WBP2: variants seen among roughly 807,000 people sequenced by gnomAD.
WBP2 encodes the protein WW domain binding protein 2.
In WBP2, 23 loss-of-function variants were observed where a neutral mutation model predicts 33.0. That is an observed-to-expected ratio of 0.70 (90% CI 0.50 to 0.99). WBP2 has a LOEUF of 0.99. Among genes scored for constraint, WBP2 ranks in the 50% least tolerant of loss-of-function variants. The probability of loss-of-function intolerance (pLI) is 0.00; values close to 1 mark genes in which losing one functional copy is unlikely to be tolerated. For missense variants in WBP2, 353 were observed against 358.0 expected (o/e 0.99, Z 0.11); for synonymous variants, 153 against 133.5 (o/e 1.15, Z -1.01).
intron 6 of WBP2, 84 bp downstream of exon 6, chr17:75,847,403 C>A (rs1476549034): frequency 6.5e-7 from 1 of 1,544,680 alleles, no homozygotes; most frequent in South Asian, 1.2e-5. Flanking sequence ...TCTCAGCAGT[C>A]TCTGGCCATT....
intron 1 of WBP2, 53 bp downstream of exon 1, chr17:75,855,186 C>A: frequency 6.4e-7 from 1 of 1,563,072 alleles, no homozygotes. Flanking sequence ...CCACCGCCCA[C>A]TTCCTCGACA....
At position 75,846,676 on chromosome 17, in the gene WBP2, C is replaced by A; in HGVS notation, c.*58G>T. ...CTCCCCTCCCCAAGCCCCAGCACAG[C>A]CCCGATGGGAGGGGTAGGGTAGAGA... On this transcript the variant is annotated 3_prime_UTR_variant, in exon 8 of 8. Coordinates refer to ENST00000254806, the MANE Select transcript of WBP2 (RefSeq NM_012478.4). This position sits in a 1 kb window ranked among gnomAD's most constrained non-coding sequence, Gnocchi z 4.8. The A allele has an allele frequency of 6.7e-7, 1 of 1,501,642 alleles. No homozygotes were observed. The highest frequency in any genetic ancestry group is 2.5e-5 in the East Asian group (1 of 40,688). The allele number at this position is 1,501,642 out of a possible 1,614,324, so 93.0% of individuals were successfully genotyped here. A position where few individuals can be genotyped will look rare whatever the true frequency, so the allele number is the denominator to read the frequency against.
upstream of WBP2, among the ~76,000 whole-genome samples, chr17:75,855,822 T>C (rs2065055638): frequency 6.6e-6 from 1 of 152,164 alleles, no homozygotes; most frequent in Non-Finnish European, 1.5e-5. Context: ...CAGCAGACGT[T>C]TATGGGGCGC....
At chr17:75,853,377 A>C (rs1048143106) in intron 1 of WBP2, among the ~76,000 whole-genome samples, 11 of 152,190 alleles carry the variant, frequency 7.2e-5, no homozygotes, top group Non-Finnish European at 1.6e-4. Flanking sequence ...TGGACTTAAC[A>C]CTTCAATTGT....
chr17:75,853,894 A>C (rs972275555), intron 1 of WBP2, among the ~76,000 whole-genome samples: 3 of 151,828 alleles, frequency 2.0e-5, no homozygotes, highest in Non-Finnish European at 2.9e-5. Flanking sequence ...AAATACAAAA[A>C]ATTAGCTGGG....
upstream of WBP2, chr17:75,856,436 T>A (rs750572914): frequency 9.2e-5 from 14 of 152,212 alleles, no homozygotes; most frequent in Non-Finnish European, 1.8e-4. Flanking sequence ...GGAGGTCTCC[T>A]ATGTGAAGAA....
At chr17:75,854,797 T>C (rs1390995435) in intron 1 of WBP2, among the ~76,000 whole-genome samples, 1 of 152,196 alleles carries the variant, frequency 6.6e-6, no homozygotes, top group Non-Finnish European at 1.5e-5. Flanking sequence ...TGCCCTCCAC[T>C]TTCCCTACCT....
At chr17:75,853,078 CTT>C (rs1468744290) in intron 1 of WBP2, among the ~76,000 whole-genome samples, 1 of 152,138 alleles carries the variant, frequency 6.6e-6, no homozygotes, top group African/African-American at 2.4e-5. Context: ...GAGTTTCACT[CTT>C]GTTGCCCAGG....
At chr17:75,853,842 G>A (rs113621773) in intron 1 of WBP2, among the ~76,000 whole-genome samples, 12 of 152,060 alleles carry the variant, frequency 7.9e-5, no homozygotes, top group African/African-American at 2.4e-4. Flanking sequence ...TCAGGAGTTC[G>A]AGACCAGCCT....
At position 75,846,834 on chromosome 17, in the gene WBP2, T is replaced by A; in HGVS notation, c.733-47A>T. The A allele has an allele frequency of 6.2e-7, 1 of 1,607,846 alleles. No individual in the cohort carries two copies. Among genetic ancestry groups the A allele is most frequent in the East Asian group, 2.2e-5 (1 of 44,742 alleles). ...GACTTGCATTAGAAGGTTTAAAACA[T>A]GGTGCGGTCATCCCCCTGCGGCTCC... On this transcript the variant is annotated intron_variant, in intron 7 of 7. Coordinates refer to ENST00000254806, the MANE Select transcript of WBP2 (RefSeq NM_012478.4). The surrounding 1 kb of genome is among the most constrained non-coding windows in gnomAD (Gnocchi z 4.8).
chr17:75,854,334 G>A (rs1018007923), intron 1 of WBP2, among the ~76,000 whole-genome samples: 1 of 152,096 alleles, frequency 6.6e-6, no homozygotes, highest in East Asian at 1.9e-4. Flanking sequence ...ATTCAGGGTC[G>A]GCATAGTTCA....
At position 75,851,692 on chromosome 17, in the gene WBP2, A is replaced by G; in HGVS notation, c.60-16T>C. On this transcript the variant is annotated splice_polypyrimidine_tract_variant and intron_variant, in intron 1 of 7. Coordinates refer to ENST00000254806, the MANE Select transcript of WBP2 (RefSeq NM_012478.4). The stretch of plus-strand genomic sequence containing the variant: ...CATTAGGATGCTGTGATGAGAAAAG[A>G]GGAAAAGCCTCAATGAGACAGTATG... 6.3e-7 allele frequency: 1 copy of G among 1,599,190 alleles called. No homozygotes were observed. The highest frequency in any genetic ancestry group is 8.6e-7 in the Non-Finnish European group (1 of 1,166,994).
Position 75,846,811 on chromosome 17 carries a change from C to T in WBP2, c.733-24G>A, listed in dbSNP as rs2305914. 0.094 allele frequency: 149,822 copies of T among 1,586,868 alleles called. 12,187 individuals carry two copies. Among genetic ancestry groups the T allele is most frequent in the African/African-American group, 0.37 (27,628 of 74,166 alleles). On this transcript the variant is annotated intron_variant, in intron 7 of 7. Transcript: ENST00000254806. This position sits in a 1 kb window ranked among gnomAD's most constrained non-coding sequence, Gnocchi z 4.8. ...CTCTAAAGAAGGGAGAAAGGAGAGA[C>T]TTGCATTAGAAGGTTTAAAACATGG...
At chr17:75,848,769 CG>C in intron 3 of WBP2, 107 bp from the exon 4 acceptor site, 1 of 1,022,412 alleles carries the variant, frequency 9.8e-7, no homozygotes, top group Non-Finnish European at 1.5e-6. Context: ...GGGAGGCCTG[CG>C]GGGGCTGGGC....
upstream of WBP2, chr17:75,855,541 T>G (rs1225250543): frequency 1.1e-5 from 6 of 561,030 alleles, no homozygotes; most frequent in Non-Finnish European, 1.9e-5. Flanking sequence ...CCTCGGCCTG[T>G]CCCTATGCTG....
chr17:75,846,645 C>A lies in WBP2; in HGVS notation c.*89G>T. On this transcript the variant is annotated 3_prime_UTR_variant, in exon 8 of 8. Coordinates refer to ENST00000254806, the MANE Select transcript of WBP2 (RefSeq NM_012478.4). The surrounding 1 kb of genome is among the most constrained non-coding windows in gnomAD (Gnocchi z 4.8). ...GATCAGACCTGGAGGGAGAACAAGG[C>A]GCCCCCTCCCCTCCCCAAGCCCCAG... The A allele has an allele frequency of 7.2e-7, 1 of 1,398,500 alleles. No individual in the cohort carries two copies. Among genetic ancestry groups the A allele is most frequent in the Admixed American group, 2.1e-5 (1 of 47,244 alleles). 86.6% of individuals were successfully genotyped at this position (1,398,500 alleles called of 1,614,324 possible). A position where few individuals can be genotyped will look rare whatever the true frequency, so the allele number is the denominator to read the frequency against.
intron 1 of WBP2, chr17:75,852,881 T>C: frequency 1.2e-6 from 1 of 860,026 alleles, no homozygotes; most frequent in Non-Finnish European, 1.4e-6. Flanking sequence ...TCCTTCGGGG[T>C]TCTTTTAAAC....
At chr17:75,847,099 C>T in intron 6 of WBP2, 115 bp from the exon 7 acceptor site, 2 of 1,144,058 alleles carry the variant, frequency 1.7e-6, no homozygotes, top group Non-Finnish European at 2.5e-6. Flanking sequence ...CCAGTTCCAC[C>T]AATGAGAGCA....
Position 75,851,844 on chromosome 17 carries a change from G to A in WBP2, c.60-168C>T, listed in dbSNP as rs534234137. 2.0e-3 allele frequency: 961 copies of A among 486,416 alleles called. 2 individuals carry two copies. Among genetic ancestry groups the A allele is most frequent in the Non-Finnish European group, 1.8e-3 (466 of 255,706 alleles). 30.1% of individuals were successfully genotyped at this position (486,416 alleles called of 1,614,324 possible). ...GGGCTGGGCGCGGTGGCTCACGCCC[G>A]TAATCCCAGCACTTTGGGAGGCCGA... On this transcript the variant is annotated intron_variant, in intron 1 of 7. Transcript: ENST00000254806.
Sources: allele counts gnomAD v4.1 joint callset (sites outside exome capture counted in the v4.1 genomes callset), GRCh38; gene constraint gnomAD v4.1.1; non-coding constraint Gnocchi (gnomAD v3.1); transcripts MANE v1.5; gene names NCBI Gene and HGNC (gene_info 2026-07-23, HGNC 2026-07-21).